The following TRMT11 variants were observed in gnomAD, a reference collection of about 807,000 sequenced individuals.
TRMT11 encodes tRNA (guanine(10)-N(2))-methyltransferase TRMT11.
A neutral mutation model predicts 62.8 loss-of-function variants in TRMT11; 53 were observed. The ratio of observed to expected loss-of-function variants is 0.84; its 90% CI spans 0.68 to 1.06. The LOEUF (loss-of-function observed/expected upper bound fraction) is 1.06, where lower values mean the gene tolerates loss of function less well. TRMT11 is among the 50% of genes least tolerant of loss of function. The probability of loss-of-function intolerance (pLI) is 0.00; values close to 1 mark genes in which losing one functional copy is unlikely to be tolerated. For synonymous variants in TRMT11, 188 were observed against 190.3 expected, an observed-to-expected ratio of 0.99 and a Z score of 0.10; for missense variants, 556 against 553.4, an observed-to-expected ratio of 1.00 and a Z score of -0.05.
intron 21 of TRMT11, among the ~76,000 whole-genome samples, chr6:126,167,842 T>C (rs1778286473): frequency 6.6e-6 from 1 of 152,184 alleles, no homozygotes; most frequent in African/African-American, 2.4e-5. Flanking sequence ...GGTTTCCTGA[T>C]TTGTAATCAG....
intron 12 of TRMT11, among the ~76,000 whole-genome samples, chr6:126,028,282 C>T (rs1457273500): frequency 6.6e-6 from 1 of 152,008 alleles, no homozygotes; most frequent in African/African-American, 2.4e-5. Flanking sequence ...AGGTAATAAC[C>T]TCATTTATTG....
intron 17 of TRMT11, among the ~76,000 whole-genome samples, chr6:126,078,356 G>A (rs1344391822): frequency 6.6e-6 from 1 of 151,550 alleles, no homozygotes; most frequent in South Asian, 2.1e-4. Flanking sequence ...TTAATTATCA[G>A]TCATCTCTAA....
intron 21 of TRMT11, among the ~76,000 whole-genome samples, chr6:126,155,536 C>T (rs1778108729): frequency 6.6e-6 from 1 of 152,162 alleles, no homozygotes; most frequent in South Asian, 2.1e-4. Flanking sequence ...AGTCCAAAGT[C>T]CTAAGTCTCA....
At chr6:126,164,884 G>A (rs181839320) in intron 21 of TRMT11, among the ~76,000 whole-genome samples, 29 of 152,220 alleles carry the variant, frequency 1.9e-4, no homozygotes, top group Non-Finnish European at 3.2e-4. Context: ...TTGCACATGA[G>A]ATGTGTCTCC....
At chr6:126,123,877 C>T (rs1032352051) in intron 21 of TRMT11, among the ~76,000 whole-genome samples, 14 of 151,796 alleles carry the variant, frequency 9.2e-5, no homozygotes, top group African/African-American at 3.1e-4. Context: ...CACTTATTTC[C>T]ATTTATTGTC....
chr6:126,264,383 T>A, the TRMT11 span, among the ~76,000 whole-genome samples: 1 of 152,224 alleles, frequency 6.6e-6, no homozygotes, highest in Non-Finnish European at 1.5e-5. Context: ...GCCTGCTGTG[T>A]ACTAACTATG....
the TRMT11 span, among the ~76,000 whole-genome samples, chr6:126,253,778 G>A: frequency 6.6e-6 from 1 of 152,188 alleles, no homozygotes; most frequent in Non-Finnish European, 1.5e-5. Flanking sequence ...CCCTAGTCAG[G>A]AGACTACAAG....
At chr6:126,164,637 G>A (rs1337361670) in intron 21 of TRMT11, among the ~76,000 whole-genome samples, 1 of 152,196 alleles carries the variant, frequency 6.6e-6, no homozygotes, top group Non-Finnish European at 1.5e-5. Flanking sequence ...CTAAGAACTT[G>A]CTTTATGAAT....
chr6:126,191,947 G>A (rs1778606156), intron 1 of TRMT11, among the ~76,000 whole-genome samples: 1 of 151,942 alleles, frequency 6.6e-6, no homozygotes, highest in Admixed American at 6.6e-5. Flanking sequence ...GTTCTGTACT[G>A]TATGAATTTT....
At position 126,084,897 on chromosome 6, in the gene TRMT11, G is replaced by C. The variant is rs181962589; in HGVS notation, c.*1438-27969G>C. Among the ~76,000 whole-genome samples the C allele has an allele frequency of 3.3e-5, 5 of 152,266 alleles. No individual in the cohort carries two copies. The East Asian group carries it at 9.7e-4, about 29-fold the overall frequency. On this transcript the variant is annotated intron_variant and NMD_transcript_variant, in intron 17 of 22. Coordinates refer to the TRMT11 transcript ENST00000648977. ...AAAGGGTCAAACTCATAGAAACAGA[G>C]AGTAGAAGGGTGGTTACCAGAAATT... is the stretch of plus-strand genomic sequence containing the variant.
intron 11 of TRMT11, among the ~76,000 whole-genome samples, chr6:126,014,681 C>T (rs771734863): frequency 2.0e-4 from 30 of 152,166 alleles, no homozygotes; most frequent in Non-Finnish European, 4.1e-4. Context: ...TTAAAATTAC[C>T]ATGGCCTAAC....
At chr6:125,988,667 T>C (rs896099175) in intron 1 of TRMT11, among the ~76,000 whole-genome samples, 38 of 152,154 alleles carry the variant, frequency 2.5e-4, no homozygotes, top group Admixed American at 3.3e-4. Flanking sequence ...GAAATAGTCA[T>C]TGAGACCAAA....
At chr6:126,145,490 C>T (rs538036451) in intron 21 of TRMT11, among the ~76,000 whole-genome samples, 1 of 152,172 alleles carries the variant, frequency 6.6e-6, no homozygotes, top group Non-Finnish European at 1.5e-5. Flanking sequence ...TTCCATTTAG[C>T]GCCAGGCACC....
intron 17 of TRMT11, among the ~76,000 whole-genome samples, chr6:126,073,376 C>T (rs1030424652): frequency 1.3e-5 from 2 of 152,122 alleles, no homozygotes; most frequent in African/African-American, 4.8e-5. Flanking sequence ...TTGGAAAATA[C>T]AGTCTAAATC....
intron 2 of TRMT11, 97 bp downstream of exon 2, chr6:125,993,919 G>T: frequency 3.0e-6 from 2 of 677,704 alleles, no homozygotes; most frequent in East Asian, 2.9e-5. Context: ...ATATTTGTAT[G>T]GTTACTTGTA....
intron 17 of TRMT11, among the ~76,000 whole-genome samples, chr6:126,096,007 G>A (rs1777335809): frequency 1.3e-5 from 2 of 152,280 alleles, no homozygotes; most frequent in Non-Finnish European, 2.9e-5. Flanking sequence ...CACATGGTCC[G>A]ACACTGGCAG....
chr6:126,123,552 G>T (rs925081812), intron 21 of TRMT11, among the ~76,000 whole-genome samples: 2 of 151,918 alleles, frequency 1.3e-5, no homozygotes, highest in African/African-American at 4.8e-5. Context: ...TGCTAATCAT[G>T]TAAATAAACA....
chr6:126,135,631 T>C (rs1409964119), intron 21 of TRMT11, among the ~76,000 whole-genome samples: 1 of 151,864 alleles, frequency 6.6e-6, no homozygotes, highest in African/African-American at 2.4e-5. Flanking sequence ...TCCAAATTCA[T>C]TGTATACAGC....
chr6:126,101,238 C>T (rs779997941), intron 17 of TRMT11, among the ~76,000 whole-genome samples: 1 of 152,022 alleles, frequency 6.6e-6, no homozygotes, highest in African/African-American at 2.4e-5. Context: ...GGGAGATAGT[C>T]GAGGGGGCAG....
Sources: gnomAD v4.1 joint callset for allele counts (sites outside exome capture counted in the v4.1 genomes callset) on GRCh38, gnomAD v4.1.1 for gene constraint, MANE v1.5 for transcripts, NCBI Gene and HGNC (gene_info 2026-07-23, HGNC 2026-07-21) for gene names.